The following ZRANB3 variants were observed in gnomAD, a reference collection of about 807,000 sequenced individuals.
The protein encoded by ZRANB3 is zinc finger RANBP2-type containing 3.
In ZRANB3, 125 loss-of-function variants were observed where a neutral mutation model predicts 133.8. The ratio of observed to expected loss-of-function variants is 0.93; its 90% CI spans 0.81 to 1.08. The LOEUF is 1.08. ZRANB3 is among the 50% of genes least tolerant of loss of function. The pLI is 0.00. For missense variants in ZRANB3, 1,229 were observed against 1,275.5 expected, an observed-to-expected ratio of 0.96 and a Z score of 0.56; for synonymous variants, 387 against 432.7, an observed-to-expected ratio of 0.89 and a Z score of 1.31.
At chr2:135,376,344 T>G (rs1686427883) in intron 3 of ZRANB3, among the ~76,000 whole-genome samples, 1 of 152,208 alleles carries the variant, frequency 6.6e-6, no homozygotes, top group East Asian at 1.9e-4. Flanking sequence ...ATCTAGCAGT[T>G]TCACACTCCT....
At chr2:135,470,272 C>T (rs945084367) in intron 2 of ZRANB3, among the ~76,000 whole-genome samples, 3 of 148,992 alleles carry the variant, frequency 2.0e-5, no homozygotes, top group Admixed American at 6.7e-5. Flanking sequence ...TGCAGTGAGC[C>T]GAGATTGAGC....
At chr2:135,260,651 AT>A (rs1679912158) in intron 12 of ZRANB3, among the ~76,000 whole-genome samples, 1 of 146,812 alleles carries the variant, frequency 6.8e-6, no homozygotes, top group Admixed American at 6.9e-5. Context: ...TATATGTACT[AT>A]ATATACTTGA....
intron 2 of ZRANB3, among the ~76,000 whole-genome samples, chr2:135,392,547 C>T (rs942672060): frequency 3.9e-5 from 6 of 152,074 alleles, no homozygotes; most frequent in Middle Eastern, 6.8e-3. Flanking sequence ...GTCAGGAGTA[C>T]GAGACCAGCC....
At position 135,208,918 on chromosome 2, in the gene ZRANB3, GC is replaced by G. The variant is rs779545700; in HGVS notation, c.2555del (p.Gly852AlafsTer5). ...ACTCCTTTGTGATCAGACGGACATG[GC>G]CCCCAACATTCTTCACTTTGTCCAT... ...ASMDKVKNVG[G>X]HVRLITKESR... On this transcript the variant is annotated frameshift_variant, in exon 18 of 21. Coordinates refer to ENST00000264159, the MANE Select transcript of ZRANB3 (RefSeq NM_032143.4). LOFTEE classifies it high-confidence loss of function. The G allele has an allele frequency of 6.2e-7, 1 of 1,613,938 alleles. No homozygotes were observed. The highest frequency in any genetic ancestry group is 1.1e-5 in the South Asian group (1 of 91,072).
At chr2:135,328,481 G>T (rs930496643) in intron 6 of ZRANB3, among the ~76,000 whole-genome samples, 1 of 152,002 alleles carries the variant, frequency 6.6e-6, no homozygotes, top group African/African-American at 2.4e-5. Context: ...ATTTGGTTTG[G>T]TTCCAACTCT....
chr2:135,469,530 T>C (rs1691158065), intron 2 of ZRANB3, among the ~76,000 whole-genome samples: 1 of 152,158 alleles, frequency 6.6e-6, no homozygotes, highest in African/African-American at 2.4e-5. Context: ...TACTAATGTA[T>C]AATAGAATTA....
chr2:135,376,550 T>C (rs1686437812), intron 3 of ZRANB3, among the ~76,000 whole-genome samples: 1 of 152,242 alleles, frequency 6.6e-6, no homozygotes, highest in Admixed American at 6.5e-5. Flanking sequence ...CACGGATGAA[T>C]TTTAAATGCA....
chr2:135,442,927 T>G (rs1689845079), intron 2 of ZRANB3, among the ~76,000 whole-genome samples: 1 of 151,876 alleles, frequency 6.6e-6, no homozygotes, highest in African/African-American at 2.4e-5. Flanking sequence ...CCATCCTAGC[T>G]AACATGGTGA....
chr2:135,244,451 C>T (rs576551650), intron 12 of ZRANB3, among the ~76,000 whole-genome samples: 5 of 151,992 alleles, frequency 3.3e-5, no homozygotes, highest in Admixed American at 2.0e-4. Context: ...ACTGAAAATA[C>T]AAAAAAATTA....
chr2:135,404,331 A>T (rs1687901283), intron 2 of ZRANB3, among the ~76,000 whole-genome samples: 2 of 152,230 alleles, frequency 1.3e-5, no homozygotes, highest in South Asian at 4.1e-4. Flanking sequence ...CAATTCTATC[A>T]ACTGGAAGAA....
intron 18 of ZRANB3, 31 bp downstream of exon 18, chr2:135,208,837 C>T (rs1348860265): frequency 1.9e-6 from 3 of 1,547,794 alleles, no homozygotes; most frequent in African/African-American, 1.4e-5. Flanking sequence ...GGAATTAGTA[C>T]TACTATATAC....
chr2:135,318,145 T>C (rs1683345093), intron 6 of ZRANB3, among the ~76,000 whole-genome samples: 1 of 151,958 alleles, frequency 6.6e-6, no homozygotes. Flanking sequence ...AACTTTTACC[T>C]AATAATATAA....
chr2:135,232,462 G>A lies in ZRANB3; in HGVS notation c.1540-1535C>T, dbSNP rs537772319. Among the ~76,000 whole-genome samples the A allele has an allele frequency of 3.3e-5, 5 of 152,290 alleles. No individual in the cohort carries two copies. In the South Asian group the frequency reaches 6.2e-4, roughly 19 times the overall value. The stretch of plus-strand genomic sequence containing the variant: ...AAGAGAGTAGTGGTTCTCCCAGCAT[G>A]CAGCTGGAGATCTGAGAATGGACAG... On this transcript the variant is annotated intron_variant, in intron 12 of 20. Coordinates refer to ENST00000264159, the MANE Select transcript of ZRANB3 (RefSeq NM_032143.4).
chr2:135,284,412 C>T (rs937950673), intron 8 of ZRANB3, among the ~76,000 whole-genome samples: 7 of 152,204 alleles, frequency 4.6e-5, no homozygotes, highest in Admixed American at 2.0e-4. Flanking sequence ...TCAAACCACC[C>T]CTTGCCCAAA....
intron 12 of ZRANB3, among the ~76,000 whole-genome samples, chr2:135,233,561 C>T (rs1272290886): frequency 6.6e-6 from 1 of 152,290 alleles, no homozygotes; most frequent in East Asian, 1.9e-4. Context: ...GGGTTACCCA[C>T]AAAGGGAAGC....
At position 135,271,809 on chromosome 2, in the gene ZRANB3, C is replaced by G; in HGVS notation, c.1165G>C (p.Asp389His). The G allele has an allele frequency of 6.2e-7, 1 of 1,613,798 alleles. No individual in the cohort carries two copies. Among genetic ancestry groups the G allele is most frequent in the Non-Finnish European group, 8.5e-7 (1 of 1,179,818 alleles). Residue 389 changes from aspartate to histidine, a missense_variant, in exon 10 of 21, where the codon GAC (aspartate) becomes CAC (histidine). Transcript: ENST00000264159. ...ATGCTTAGGATAGCCACGCGAGTGT[C>G]AGGATCCTTTTGAAACTGATTAACC... ...HLVNQFQKDPDTRVAILSIQA... is the reference protein window; with the variant it reads ...HLVNQFQKDPHTRVAILSIQA...
At chr2:135,411,688 C>CCTCATGTT (rs1558981222) in intron 2 of ZRANB3, among the ~76,000 whole-genome samples, 2 of 152,054 alleles carry the variant, frequency 1.3e-5, no homozygotes. Context: ...AAATCAAATA[C>CCTCATGTT]CTCATGTTCT....
chr2:135,292,945 T>C (rs1403545556), intron 8 of ZRANB3, among the ~76,000 whole-genome samples: 2 of 151,952 alleles, frequency 1.3e-5, no homozygotes, highest in Non-Finnish European at 2.9e-5. Context: ...TTCTGTCCCA[T>C]TGGTCTATAT....
intron 2 of ZRANB3, among the ~76,000 whole-genome samples, chr2:135,466,742 A>G (rs1691018651): frequency 6.6e-6 from 1 of 151,748 alleles, no homozygotes; most frequent in African/African-American, 2.4e-5. Flanking sequence ...CGATGGCACA[A>G]TCTCAGCTCA....
Sources: gnomAD v4.1 joint callset for allele counts (sites outside exome capture counted in the v4.1 genomes callset) on GRCh38, gnomAD v4.1.1 for gene constraint, MANE v1.5 for transcripts, NCBI Gene and HGNC (gene_info 2026-07-23, HGNC 2026-07-21) for gene names.